SLC16A7: variants seen among roughly 807,000 people sequenced by gnomAD.
SLC16A7 encodes the protein solute carrier family 16 member 7.
A neutral mutation model predicts 34.9 loss-of-function variants in SLC16A7; 33 were observed. The observed-to-expected ratio is 0.94, with a 90% CI of 0.72 to 1.26. SLC16A7 has a LOEUF of 1.26. SLC16A7 is among the 50% of genes most tolerant of loss of function. The pLI, the probability that SLC16A7 is intolerant of heterozygous loss-of-function variation, is 0.00. For synonymous variants in SLC16A7, 201 were observed against 206.6 expected, an observed-to-expected ratio of 0.97 and a Z score of 0.23; for missense variants, 573 against 578.1, an observed-to-expected ratio of 0.99 and a Z score of 0.09.
chr12:59,731,924 C>T (rs973558843), intron 3 of SLC16A7, among the ~76,000 whole-genome samples: 3 of 152,054 alleles, frequency 2.0e-5, no homozygotes, highest in Admixed American at 6.5e-5. Context: ...GTTTTGTTCA[C>T]TGTAAAATAA....
chr12:59,613,727 T>G (rs1049439815), intron 1 of SLC16A7, among the ~76,000 whole-genome samples: 1 of 152,184 alleles, frequency 6.6e-6, no homozygotes, highest in Non-Finnish European at 1.5e-5. Context: ...AATACTTCAT[T>G]GTTAATTGAG....
chr12:59,613,826 G>C (rs1879313467), intron 1 of SLC16A7, among the ~76,000 whole-genome samples: 1 of 152,160 alleles, frequency 6.6e-6, no homozygotes, highest in Non-Finnish European at 1.5e-5. Flanking sequence ...AAGAGTCTAT[G>C]ACCAACAATT....
chr12:59,636,773 G>T (rs1472148963), intron 1 of SLC16A7, among the ~76,000 whole-genome samples: 1 of 152,134 alleles, frequency 6.6e-6, no homozygotes, highest in Admixed American at 6.6e-5. Context: ...TTTAAGATTA[G>T]AAATTCCAAT....
intron 1 of SLC16A7, among the ~76,000 whole-genome samples, chr12:59,610,725 G>A (rs965291665): frequency 2.0e-5 from 3 of 152,188 alleles, no homozygotes; most frequent in African/African-American, 7.2e-5. Flanking sequence ...TAAAGATAGT[G>A]CTGTAATGAT....
chr12:59,613,889 A>T (rs1225936634), intron 1 of SLC16A7, among the ~76,000 whole-genome samples: 1 of 152,192 alleles, frequency 6.6e-6, no homozygotes, highest in Non-Finnish European at 1.5e-5. Flanking sequence ...GGTCTCTTTC[A>T]TAAAAGCAGA....
rs151072771 is a variant in SLC16A7 at position 59,711,257 on chromosome 12, A to T, written c.217+6239A>T. Among the ~76,000 whole-genome samples the T allele has an allele frequency of 1.8e-3, 267 of 152,320 alleles. 1 individual carries two copies. Among genetic ancestry groups the T allele is most frequent in the African/African-American group, 5.7e-3 (239 of 41,576 alleles). ...CCCAGAAGAAGGAAGGATTCTGAAG[A>T]GACAAAGTATTAACAATAAGCACTT... On this transcript the variant is annotated intron_variant, in intron 3 of 5. Coordinates refer to ENST00000547379, the MANE Select transcript of SLC16A7 (RefSeq NM_001270623.2).
intron 3 of SLC16A7, among the ~76,000 whole-genome samples, chr12:59,750,676 G>C (rs1446118231): frequency 6.6e-6 from 1 of 152,166 alleles, no homozygotes; most frequent in African/African-American, 2.4e-5. Flanking sequence ...TCTAGAACTA[G>C]AAATACAATT....
chr12:59,718,395 C>A (rs1875175601), intron 3 of SLC16A7, among the ~76,000 whole-genome samples: 1 of 152,050 alleles, frequency 6.6e-6, no homozygotes, highest in Non-Finnish European at 1.5e-5. Context: ...TTCTAAGAGG[C>A]ATTGACATAG....
chr12:59,616,534 G>T (rs1157101945), intron 1 of SLC16A7, among the ~76,000 whole-genome samples: 2 of 152,072 alleles, frequency 1.3e-5, no homozygotes, highest in Non-Finnish European at 1.5e-5. Context: ...AGAAATATGT[G>T]CAGTTGATTT....
intron 1 of SLC16A7, among the ~76,000 whole-genome samples, chr12:59,654,358 A>G (rs1433055059): frequency 2.6e-5 from 4 of 151,664 alleles, no homozygotes; most frequent in Admixed American, 1.3e-4. Flanking sequence ...TTTCATTGCC[A>G]AACACTATAT....
chr12:59,685,658 C>T (rs1871096133), intron 2 of SLC16A7, among the ~76,000 whole-genome samples: 2 of 151,948 alleles, frequency 1.3e-5, no homozygotes, highest in Admixed American at 1.3e-4. Context: ...AGTATATGAA[C>T]TGGGCAAATA....
chr12:59,617,425 T>G (rs1206136874), intron 1 of SLC16A7, among the ~76,000 whole-genome samples: 1 of 152,020 alleles, frequency 6.6e-6, no homozygotes, highest in East Asian at 1.9e-4. Context: ...ATTGGTATTT[T>G]ATGGAAGACT....
chr12:59,620,361 A>C (rs779913496), intron 1 of SLC16A7, among the ~76,000 whole-genome samples: 1 of 152,002 alleles, frequency 6.6e-6, no homozygotes, highest in African/African-American at 2.4e-5. Context: ...TCCTCTGAAA[A>C]AAAAATTTAC....
At chr12:59,650,754 T>G (rs1439167006) in intron 1 of SLC16A7, among the ~76,000 whole-genome samples, 3 of 152,148 alleles carry the variant, frequency 2.0e-5, no homozygotes, top group African/African-American at 7.2e-5. Context: ...GTGGACTCCA[T>G]GCAAATTCAG....
At chr12:59,690,895 G>T (rs1292906659) in intron 2 of SLC16A7, among the ~76,000 whole-genome samples, 1 of 151,530 alleles carries the variant, frequency 6.6e-6, no homozygotes, top group African/African-American at 2.4e-5. Context: ...CTTTCCTCAA[G>T]TATGATAGAA....
At chr12:59,727,151 C>CAT (rs61274058) in intron 3 of SLC16A7, among the ~76,000 whole-genome samples, 6,228 of 141,884 alleles carry the variant, frequency 0.044, 286 homozygotes, top group African/African-American at 0.12. Context: ...ATGAGATGGA[C>CAT]ATATATATAT....
chr12:59,733,363 C>T (rs1034125520), intron 3 of SLC16A7, among the ~76,000 whole-genome samples: 4 of 152,148 alleles, frequency 2.6e-5, no homozygotes, highest in Non-Finnish European at 4.4e-5. Flanking sequence ...CCAGGCATGC[C>T]GGCTGCAGCA....
intron 2 of SLC16A7, among the ~76,000 whole-genome samples, chr12:59,689,114 A>G (rs910316508): frequency 3.3e-5 from 5 of 152,008 alleles, no homozygotes; most frequent in South Asian, 2.1e-4. Flanking sequence ...AAATTATATA[A>G]TAAATACTTC....
chr12:59,779,293 T>A, intron 5 of SLC16A7, 130 bp from the exon 6 acceptor site: 1 of 689,502 alleles, frequency 1.5e-6, no homozygotes, highest in Non-Finnish European at 2.3e-6. Flanking sequence ...CTAGATTTTT[T>A]TATTTTTAAA....
Sources: gnomAD v4.1 joint callset for allele counts (sites outside exome capture counted in the v4.1 genomes callset) on GRCh38, gnomAD v4.1.1 for gene constraint, MANE v1.5 for transcripts, NCBI Gene and HGNC (gene_info 2026-07-23, HGNC 2026-07-21) for gene names.